Variants in RBMS3 observed in about 807,000 individuals in gnomAD.
RBMS3 encodes RNA-binding motif, single-stranded-interacting protein 3.
Under a neutral mutation model 66.8 loss-of-function variants are expected in RBMS3, and 27 were observed. That is an observed-to-expected ratio of 0.40 (90% CI 0.30 to 0.56). The LOEUF (loss-of-function observed/expected upper bound fraction) is 0.56. RBMS3 is among the 20% of genes least tolerant of loss of function. RBMS3 has a pLI of 0.40. For synonymous variants in RBMS3, 188 were observed against 183.0 expected (o/e 1.03, Z -0.22); for missense variants, 513 against 549.5 (o/e 0.93, Z 0.66).
intron 4 of RBMS3, among the ~76,000 whole-genome samples, chr3:29,654,521 C>CGTGTGT (rs56163408): frequency 3.7e-4 from 44 of 118,990 alleles, no homozygotes; most frequent in South Asian, 1.3e-3. Flanking sequence ...GAATTGGATT[C>CGTGTGT]GTGTGTGTGT....
At chr3:29,947,279 A>G (rs866827232) in intron 12 of RBMS3, among the ~76,000 whole-genome samples, 27 of 151,614 alleles carry the variant, frequency 1.8e-4, no homozygotes, top group African/African-American at 6.0e-4. Flanking sequence ...GTGAACATAA[A>G]AAGTGACTAA....
chr3:29,797,095 G>A (rs958091918), intron 6 of RBMS3, among the ~76,000 whole-genome samples: 6 of 152,088 alleles, frequency 3.9e-5, no homozygotes, highest in Non-Finnish European at 7.4e-5. Flanking sequence ...GCCAGGCATT[G>A]TCTTCTCCTC....
At chr3:29,372,170 T>A (rs1286975805) in intron 1 of RBMS3, among the ~76,000 whole-genome samples, 1 of 152,082 alleles carries the variant, frequency 6.6e-6, no homozygotes, top group African/African-American at 2.4e-5. Context: ...TCTACTAAAC[T>A]ACAAAAGAAA....
At chr3:29,928,211 T>TATATATACACACAC (rs1291440563) in intron 10 of RBMS3, among the ~76,000 whole-genome samples, 8 of 93,494 alleles carry the variant, frequency 8.6e-5, no homozygotes, top group African/African-American at 3.4e-4. Flanking sequence ...TATATATATA[T>TATATATACACACAC]ACACACACAC....
chr3:29,583,355 A>G (rs78139904), intron 3 of RBMS3, among the ~76,000 whole-genome samples: 8,024 of 152,278 alleles, frequency 0.053, 235 homozygotes, highest in African/African-American at 0.073. Flanking sequence ...GGGTGGCAGC[A>G]TGGCTGAAAC....
intron 5 of RBMS3, among the ~76,000 whole-genome samples, chr3:29,740,433 T>G (rs549364671): frequency 7.9e-5 from 12 of 152,244 alleles, no homozygotes; most frequent in Admixed American, 2.0e-4. Flanking sequence ...TTTGATATTT[T>G]AGGCAGAACA....
intron 14 of RBMS3, among the ~76,000 whole-genome samples, chr3:29,995,700 T>C (rs1193231831): frequency 2.0e-5 from 3 of 152,232 alleles, no homozygotes; most frequent in Non-Finnish European, 4.4e-5. Flanking sequence ...TAAAATCCTT[T>C]ACAAACAAGC....
intron 14 of RBMS3, among the ~76,000 whole-genome samples, chr3:29,994,172 G>A (rs899836687): frequency 9.2e-5 from 14 of 152,174 alleles, no homozygotes; most frequent in African/African-American, 1.9e-4. Flanking sequence ...GGTGACGGAC[G>A]GCACCTGGAA....
At chr3:29,428,669 C>A (rs1314880231) in intron 1 of RBMS3, among the ~76,000 whole-genome samples, 2 of 151,950 alleles carry the variant, frequency 1.3e-5, no homozygotes, top group Non-Finnish European at 2.9e-5. Flanking sequence ...CCAGTTGATT[C>A]ACTTTTCAAA....
rs1456475905 is a variant in RBMS3 at position 29,918,759 on chromosome 3, TTTA to T, written c.940-17324_940-17322del. On this transcript the variant is annotated intron_variant, in intron 10 of 14. Coordinates refer to ENST00000383767, the MANE Select transcript of RBMS3 (RefSeq NM_001003793.3). Reference sequence around the variant, plus strand: ...TTTTCAATTTCTACACGTAAGATAGTTTATTGTTGCAGCATATAATTAATTTTG... The same window carrying T: ...TTTTCAATTTCTACACGTAAGATAGTTTGTTGCAGCATATAATTAATTTTG... Among the ~76,000 whole-genome samples the T allele has an allele frequency of 4.6e-5, 7 of 152,254 alleles. No individual in the cohort carries two copies. The East Asian group carries it at 1.3e-3, about 29-fold the overall frequency.
intron 6 of RBMS3, among the ~76,000 whole-genome samples, chr3:29,810,134 C>T (rs1023589374): frequency 1.1e-4 from 17 of 151,960 alleles, no homozygotes; most frequent in Non-Finnish European, 2.1e-4. Context: ...TAATTATTTT[C>T]ATCCTTATTA....
intron 4 of RBMS3, among the ~76,000 whole-genome samples, chr3:29,609,860 T>G (rs370930822): frequency 6.6e-5 from 10 of 152,126 alleles, no homozygotes; most frequent in African/African-American, 2.4e-4. Flanking sequence ...TGCAAGGGGA[T>G]TCGTGCACAA....
chr3:29,808,469 C>T (rs924359131), intron 6 of RBMS3, among the ~76,000 whole-genome samples: 7 of 151,946 alleles, frequency 4.6e-5, no homozygotes, highest in Non-Finnish European at 8.8e-5. Context: ...AAGGATTTTG[C>T]AATTTGAAAC....
intron 4 of RBMS3, among the ~76,000 whole-genome samples, chr3:29,588,061 C>T (rs1222432024): frequency 6.6e-6 from 1 of 151,902 alleles, no homozygotes; most frequent in South Asian, 2.1e-4. Context: ...TTGTAGAAAC[C>T]TCATGAAGGG....
In RBMS3 at chr3:29,868,959, G is replaced by C; in HGVS notation, c.739G>C (p.Gly247Arg). Residue 247 changes from glycine to arginine, a missense_variant, in exon 7 of 15, where the codon GGA becomes CGA. Transcript: ENST00000383767. ...TQNGRPWPRE[G>R]EAGMALTYDP... The stretch of plus-strand genomic sequence containing the variant: ...GAATGGGAGGCCTTGGCCCAGGGAA[G>C]GAGAGGTGAGTCCTGACTGATAACA... 2 of 1,592,680 alleles carry C rather than the reference G, an allele frequency of 1.3e-6. No individual in the cohort carries two copies. The highest frequency in any genetic ancestry group is 1.7e-6 in the Non-Finnish European group (2 of 1,168,066).
chr3:29,797,704 A>C (rs952569758), intron 6 of RBMS3: 2 of 152,200 alleles, frequency 1.3e-5, no homozygotes, highest in Admixed American at 6.5e-5. Context: ...ATTTATAATG[A>C]ATAATGATAA....
intron 6 of RBMS3, among the ~76,000 whole-genome samples, chr3:29,858,037 A>G (rs531536594): frequency 1.5e-4 from 23 of 152,196 alleles, no homozygotes; most frequent in Non-Finnish European, 2.8e-4. Context: ...AAGCAAAACT[A>G]CCATCTTTGA....
In RBMS3 at chr3:29,670,320, TA is replaced by T. The variant is rs201194244; in HGVS notation, c.400-69399del. Reference sequence around the variant, plus strand: ...AGGCCAAATAGGAAGAGCTCCAGTCTATAGCTCCCAGCATGAGCGACGCAGA... The same window carrying T: ...AGGCCAAATAGGAAGAGCTCCAGTCTTAGCTCCCAGCATGAGCGACGCAGA... On this transcript the variant is annotated intron_variant, in intron 4 of 14. Transcript: ENST00000383767. Among the ~76,000 whole-genome samples, 643 of 152,270 alleles carry T rather than the reference TA, an allele frequency of 4.2e-3. 14 individuals carry two copies. Among genetic ancestry groups the T allele is most frequent in the Admixed American group, 0.035 (537 of 15,296 alleles).
chr3:29,367,074 A>C (rs2037952397), intron 1 of RBMS3, among the ~76,000 whole-genome samples: 1 of 152,174 alleles, frequency 6.6e-6, no homozygotes, highest in Non-Finnish European at 1.5e-5. Flanking sequence ...ACATCTAGTG[A>C]AAATTGTGTA....
Sources: allele counts gnomAD v4.1 joint callset (sites outside exome capture counted in the v4.1 genomes callset), GRCh38; gene constraint gnomAD v4.1.1; transcripts MANE v1.5; gene names NCBI Gene and HGNC (gene_info 2026-07-23, HGNC 2026-07-21).